The following ONECUT3 variants were observed in gnomAD, a reference collection of about 807,000 sequenced individuals.
The protein encoded by ONECUT3 is one cut homeobox 3.
Under a neutral mutation model 16.8 loss-of-function variants are expected in ONECUT3, and 11 were observed. That is an observed-to-expected ratio of 0.66 (90% CI 0.41 to 1.09). The LOEUF (loss-of-function observed/expected upper bound fraction) is 1.09, where lower values mean the gene tolerates loss of function less well. Ranked by LOEUF, ONECUT3 falls within the 50% of genes least tolerant of loss-of-function variation. The pLI is 0.00. For missense variants in ONECUT3, 637 were observed against 629.9 expected, an observed-to-expected ratio of 1.01 and a Z score of -0.12; for synonymous variants, 344 against 310.7, an observed-to-expected ratio of 1.11 and a Z score of -1.13.
At chr19:1,767,733 G>C (rs556950124) in intron 1 of ONECUT3, among the ~76,000 whole-genome samples, 1 of 152,244 alleles carries the variant, frequency 6.6e-6, no homozygotes, top group African/African-American at 2.4e-5. Context: ...AAAAGAAAAC[G>C]ACCCTTGTTG....
At position 1,778,024 on chromosome 19, in the gene ONECUT3, G is replaced by C. The variant is rs67256262; in HGVS notation, c.*2579G>C. 1 of 140,484 alleles carries C rather than the reference G, an allele frequency of 7.1e-6. No homozygotes were observed. The highest frequency in any genetic ancestry group is 1.5e-5 in the Non-Finnish European group (1 of 65,660). The allele number at this position is 140,484 out of a possible 1,614,324, so 8.7% of individuals were successfully genotyped here. A position where few individuals can be genotyped will look rare whatever the true frequency, so the allele number is the denominator to read the frequency against. On this transcript the variant is annotated 3_prime_UTR_variant, in exon 2 of 2. Coordinates refer to ENST00000382349, the MANE Select transcript of ONECUT3 (RefSeq NM_001080488.2). ...AAAAAAAAAAAAAAAAAAAACTTTAGGTCCAAGAAGATGCACCCCATTCAA... is the reference window on the plus strand; with the variant it reads ...AAAAAAAAAAAAAAAAAAAACTTTACGTCCAAGAAGATGCACCCCATTCAA...
At chr19:1,765,891 C>T (rs1167720033) in intron 1 of ONECUT3, among the ~76,000 whole-genome samples, 4 of 152,194 alleles carry the variant, frequency 2.6e-5, no homozygotes, top group African/African-American at 9.6e-5. Context: ...ACCCACACCG[C>T]AGGCTTCTGC....
In ONECUT3 at chr19:1,775,688, C is replaced by T. The variant is rs1032783825; in HGVS notation, c.*243C>T. The T allele has an allele frequency of 3.6e-5, 14 of 391,008 alleles. No homozygotes were observed. The highest frequency in any genetic ancestry group is 4.5e-5 in the Non-Finnish European group (10 of 220,286). 24.2% of individuals were successfully genotyped at this position (391,008 alleles called of 1,614,324 possible). A position where few individuals can be genotyped will look rare whatever the true frequency, so the allele number is the denominator to read the frequency against. Reference sequence around the variant, plus strand: ...GGCCAAAGGAAGCCCTCCACCCCCCCCCGGAGGGGAGGGAGTGACAGAAAG... The same window carrying T: ...GGCCAAAGGAAGCCCTCCACCCCCCTCCGGAGGGGAGGGAGTGACAGAAAG... On this transcript the variant is annotated 3_prime_UTR_variant, in exon 2 of 2. Transcript: ENST00000382349.
At position 1,758,802 on chromosome 19, in the gene ONECUT3, G is replaced by A. The variant is rs367746335; in HGVS notation, c.1192+3948G>A. 6.6e-6 allele frequency among the ~76,000 whole-genome samples: 1 copy of A among 152,162 alleles called. No individual in the cohort carries two copies. The highest frequency in any genetic ancestry group is 1.5e-5 in the Non-Finnish European group (1 of 68,026). On this transcript the variant is annotated intron_variant, in intron 1 of 1. Coordinates refer to ENST00000382349, the MANE Select transcript of ONECUT3 (RefSeq NM_001080488.2). The surrounding 1 kb of genome is among the most constrained non-coding windows in gnomAD (Gnocchi z 5.9). ...GGCGGGCTCCTCGGCGGGGGTGGGGGCGGTCGATGAATTCGAATTACCGTC... is the reference window on the plus strand; with the variant it reads ...GGCGGGCTCCTCGGCGGGGGTGGGGACGGTCGATGAATTCGAATTACCGTC...
In ONECUT3 at chr19:1,758,316, AGAGAGAG is replaced by A. The variant is rs1471502798; in HGVS notation, c.1192+3463_1192+3469del. ...CAGAGAGACCAAAAAAAAAAAAAAA[AGAGAGAG>A]AGAGAGAGAGAGACAGAGATGGGAG... On this transcript the variant is annotated intron_variant, in intron 1 of 1. Transcript: ENST00000382349. The surrounding 1 kb of genome is among the most constrained non-coding windows in gnomAD (Gnocchi z 5.9). Among the ~76,000 whole-genome samples the A allele has an allele frequency of 9.1e-5, 4 of 44,060 alleles. No homozygotes were observed. The highest frequency in any genetic ancestry group is 1.5e-4 in the African/African-American group (3 of 19,502). 28.9% of individuals were successfully genotyped at this position (44,060 alleles called of 152,430 possible).
In ONECUT3 at chr19:1,775,563, T is replaced by G; in HGVS notation, c.*118T>G. On this transcript the variant is annotated 3_prime_UTR_variant, in exon 2 of 2. Transcript: ENST00000382349. ...CCCAGGGGGCACCTGGAGGGGGTGCTATCCGGGCCCCCCACACCCGGGGAG... is the reference window on the plus strand; with the variant it reads ...CCCAGGGGGCACCTGGAGGGGGTGCGATCCGGGCCCCCCACACCCGGGGAG... The G allele has an allele frequency of 1.9e-6, 2 of 1,028,430 alleles. No individual in the cohort carries two copies. The highest frequency in any genetic ancestry group is 2.7e-6 in the Non-Finnish European group (2 of 754,026). The allele number at this position is 1,028,430 out of a possible 1,614,324, so 63.7% of individuals were successfully genotyped here. A position where few individuals can be genotyped will look rare whatever the true frequency, so the allele number is the denominator to read the frequency against.
chr19:1,769,465 G>A (rs535203504), intron 1 of ONECUT3, among the ~76,000 whole-genome samples: 9 of 152,156 alleles, frequency 5.9e-5, no homozygotes, highest in South Asian at 4.1e-4. Context: ...CTTCACCCCC[G>A]TCCCCACTCT....
chr19:1,754,503 G>T lies in ONECUT3; in HGVS notation c.841G>T (p.Ala281Ser), dbSNP rs2067906241. The change falls in exon 1 of 2, where the codon GCG becomes TCG. Residue 281 changes from alanine to serine, a missense_variant. Physicochemically the swap from Ala to Ser is moderately conservative, Grantham distance 99 (BLOSUM62 1). Coordinates refer to ENST00000382349, the MANE Select transcript of ONECUT3 (RefSeq NM_001080488.2). This position sits in a 1 kb window ranked among gnomAD's most constrained non-coding sequence, Gnocchi z 7.4. ...GSGGAGSGSA[A>S]GLLAPLGGLA... is the part of the protein sequence containing the mutation. ...CGGCGGAGCGGGCAGCGGGAGCGCC[G>T]CGGGGCTGCTGGCGCCGCTGGGCGG... is the stretch of plus-strand genomic sequence containing the variant. 1.0e-6 allele frequency: 1 copy of T among 980,398 alleles called. No individual in the cohort carries two copies. The highest frequency in any genetic ancestry group is 1.8e-5 in the African/African-American group (1 of 56,716). 60.7% of individuals were successfully genotyped at this position (980,398 alleles called of 1,614,324 possible). A position where few individuals can be genotyped will look rare whatever the true frequency, so the allele number is the denominator to read the frequency against.
chr19:1,759,480 A>AGAG lies in ONECUT3; in HGVS notation c.1192+4642_1192+4644dup, dbSNP rs139354138. The stretch of plus-strand genomic sequence containing the variant: ...GGATGAAGGGGAGGGATGAGCAGGG[A>AGAG]GAGGAGGAGGAGGAGGAGAGGGAAG... On this transcript the variant is annotated intron_variant, in intron 1 of 1. Transcript: ENST00000382349. The surrounding 1 kb of genome is among the most constrained non-coding windows in gnomAD (Gnocchi z 4.1). Among the ~76,000 whole-genome samples, 1 of 150,158 alleles carries AGAG rather than the reference A, an allele frequency of 6.7e-6. No homozygotes were observed. The highest frequency in any genetic ancestry group is 1.5e-5 in the Non-Finnish European group (1 of 67,564).
chr19:1,779,394 GAAGAGAGAGAGAGAGCGAGCGC>G lies in ONECUT3; in HGVS notation c.*3965_*3986del, dbSNP rs1568606442. On this transcript the variant is annotated 3_prime_UTR_variant, in exon 2 of 2. Transcript: ENST00000382349. ...TAAATGAGTCCTTTAGGAAAGAAAG[GAAGAGAGAGAGAGAGCGAGCGC>G]AAGAGAGAGAGAGAGGGAGAGAGAG... 1 of 151,796 alleles carries G rather than the reference GAAGAGAGAGAGAGAGCGAGCGC, an allele frequency of 6.6e-6. No individual in the cohort carries two copies. The highest frequency in any genetic ancestry group is 2.1e-4 in the South Asian group (1 of 4,806). The allele number at this position is 151,796 out of a possible 1,614,324, so 9.4% of individuals were successfully genotyped here.
At position 1,779,395 on chromosome 19, in the gene ONECUT3, A is replaced by AG. The variant is rs1666543885; in HGVS notation, c.*3950_*3951insG. ...AAATGAGTCCTTTAGGAAAGAAAGG[A>AG]AGAGAGAGAGAGAGCGAGCGCAAGA... On this transcript the variant is annotated 3_prime_UTR_variant, in exon 2 of 2. Transcript: ENST00000382349. 6.6e-6 allele frequency: 1 copy of AG among 151,288 alleles called. No homozygotes were observed. Among genetic ancestry groups the AG allele is most frequent in the South Asian group, 2.1e-4 (1 of 4,780 alleles). 9.4% of individuals were successfully genotyped at this position (151,288 alleles called of 1,614,324 possible).
intron 1 of ONECUT3, among the ~76,000 whole-genome samples, chr19:1,769,037 ACGGTG>A (rs2068026953): frequency 1.1e-4 from 1 of 9,124 alleles, no homozygotes. Flanking sequence ...GGTGGAGGTG[ACGGTG>A]GAGGTGGTGG....
At chr19:1,767,706 T>C (rs771092163) in intron 1 of ONECUT3, among the ~76,000 whole-genome samples, 1 of 152,206 alleles carries the variant, frequency 6.6e-6, no homozygotes, top group Admixed American at 6.5e-5. Flanking sequence ...AGAGATTTCC[T>C]GATCCCACCT....
intron 1 of ONECUT3, among the ~76,000 whole-genome samples, chr19:1,761,154 G>A (rs1464467219): frequency 6.7e-6 from 1 of 149,892 alleles, no homozygotes; most frequent in Admixed American, 6.7e-5. Flanking sequence ...CCAGGTTCAA[G>A]TGATTCTCCT....
rs1438337710 is a variant in ONECUT3 at position 1,759,005 on chromosome 19, A to G, written c.1192+4151A>G. ...GGCCTCATCTCCTCCTGTGGGCACC[A>G]TGGGGAGGCAGGAGCCCAGAATCCC... On this transcript the variant is annotated intron_variant, in intron 1 of 1. Transcript: ENST00000382349. This position sits in a 1 kb window ranked among gnomAD's most constrained non-coding sequence, Gnocchi z 4.1. 6.6e-6 allele frequency among the ~76,000 whole-genome samples: 1 copy of G among 152,132 alleles called. No homozygotes were observed. The highest frequency in any genetic ancestry group is 1.9e-4 in the East Asian group (1 of 5,160).
At chr19:1,757,140 G>T (rs921198684) in intron 1 of ONECUT3, among the ~76,000 whole-genome samples, 1 of 150,866 alleles carries the variant, frequency 6.6e-6, no homozygotes, top group East Asian at 2.0e-4. Flanking sequence ...CATGGGGGGG[G>T]GGTGGGCTCC....
chr19:1,774,778 C>A (rs2068089416), intron 1 of ONECUT3, among the ~76,000 whole-genome samples: 1 of 151,966 alleles, frequency 6.6e-6, no homozygotes, highest in Non-Finnish European at 1.5e-5. Flanking sequence ...GGGGCACTCA[C>A]ACTGTGTCCC....
chr19:1,754,213 TCTACGGACC>T lies in ONECUT3; in HGVS notation c.558_566del (p.Pro187_Gly189del). The T allele has an allele frequency of 9.0e-7, 1 of 1,105,218 alleles. No homozygotes were observed. 68.5% of individuals were successfully genotyped at this position (1,105,218 alleles called of 1,614,324 possible). A position where few individuals can be genotyped will look rare whatever the true frequency, so the allele number is the denominator to read the frequency against. On this transcript the variant is annotated inframe_deletion, in exon 1 of 2. Coordinates refer to ENST00000382349, the MANE Select transcript of ONECUT3 (RefSeq NM_001080488.2). This position sits in a 1 kb window ranked among gnomAD's most constrained non-coding sequence, Gnocchi z 7.4. ...GCGGCGCTCGCCTCCGTGGGCCACC[TCTACGGACC>T]CTACGGCAAGGAGCTGCCCGCCATG...
At position 1,775,254 on chromosome 19, in the gene ONECUT3, A is replaced by T; in HGVS notation, c.1294A>T (p.Ile432Phe). The T allele has an allele frequency of 1.3e-6, 2 of 1,599,058 alleles. No homozygotes were observed. The change falls in exon 2 of 2, where the codon ATC becomes TTC. Residue 432 changes from isoleucine to phenylalanine, a missense_variant. By Grantham distance (21) the Ile-to-Phe change is conservative (BLOSUM62 0). Around this residue, in one of 3 missense-constraint regions of ONECUT3, gnomAD observed 183 missense variants for 188.3 expected, o/e 0.97. Transcript: ENST00000382349. ...CCTGCAGCGACGCACGCTGATCGCC[A>T]TCTTCAAGGAGAACAAGCGGCCGTC... is the stretch of plus-strand genomic sequence containing the variant. ...TDLQRRTLIAIFKENKRPSKE... is the reference protein window; with the variant it reads ...TDLQRRTLIAFFKENKRPSKE...
Sources: gnomAD v4.1 joint callset for allele counts (sites outside exome capture counted in the v4.1 genomes callset) on GRCh38, gnomAD v4.1.1 for gene constraint, gnomAD v4.1.1 regional missense constraint, Gnocchi (gnomAD v3.1) non-coding constraint, MANE v1.5 for transcripts, NCBI Gene and HGNC (gene_info 2026-07-23, HGNC 2026-07-21) for gene names.